The following SYT7 variants were observed in gnomAD, a reference collection of about 807,000 sequenced individuals.
SYT7 encodes synaptotagmin 7, also known as synaptotagmin-7.
SYT7 carries 29 observed loss-of-function variants against 75.1 expected under a neutral mutation model. The observed-to-expected ratio is 0.39, with a 90% CI of 0.29 to 0.53. The LOEUF (loss-of-function observed/expected upper bound fraction) is 0.53. Among genes scored for constraint, SYT7 ranks in the 20% least tolerant of loss-of-function variants. The pLI, the probability that SYT7 is intolerant of heterozygous loss-of-function variation, is 0.77. For synonymous variants in SYT7, 376 were observed against 401.7 expected, an observed-to-expected ratio of 0.94 and a Z score of 0.76; for missense variants, 693 against 953.2, an observed-to-expected ratio of 0.73 and a Z score of 3.59.
Position 61,515,500 on chromosome 11 carries a change from G to A in SYT7, c.*3127C>T, listed in dbSNP as rs1292050056. The A allele has an allele frequency of 1.4e-5, 2 of 139,424 alleles. No homozygotes were observed. The highest frequency in any genetic ancestry group is 2.7e-5 in the African/African-American group (1 of 37,550). 8.6% of individuals were successfully genotyped at this position (139,424 alleles called of 1,614,324 possible). ...CTTCAGTTTTTCTTCATTTCTCTTCGCTGCAAAATTTTTTTTTTTGTGATG... is the reference window on the plus strand; with the variant it reads ...CTTCAGTTTTTCTTCATTTCTCTTCACTGCAAAATTTTTTTTTTTGTGATG... On this transcript the variant is annotated 3_prime_UTR_variant, in exon 13 of 13. Transcript: ENST00000539008.
At chr11:61,584,916 G>A (rs1056431583), upstream of SYT7, among the ~76,000 whole-genome samples, 1 of 152,238 alleles carries the variant, frequency 6.6e-6, no homozygotes, top group African/African-American at 2.4e-5. Context: ...CTCTCATTCT[G>A]TTTCGTTGCT....
chr11:61,514,232 G>A lies in SYT7; in HGVS notation c.*4395C>T, dbSNP rs927698628. 6.6e-6 allele frequency among the ~76,000 whole-genome samples: 1 copy of A among 152,252 alleles called. No individual in the cohort carries two copies. Among genetic ancestry groups the A allele is most frequent in the East Asian group, 1.9e-4 (1 of 5,190 alleles). On this transcript the variant is annotated 3_prime_UTR_variant, in exon 13 of 13. Transcript: ENST00000539008. Reference sequence around the variant, plus strand: ...CTCAGTTTTCCAGGGCTGCTTTCATGGAGAGCGCCTGAACAGAAGCTCTGG... The same window carrying A: ...CTCAGTTTTCCAGGGCTGCTTTCATAGAGAGCGCCTGAACAGAAGCTCTGG...
Position 61,523,259 on chromosome 11 carries a change from A to G in SYT7, c.1772T>C (p.Val591Ala). 1.2e-6 allele frequency: 2 copies of G among 1,613,830 alleles called. No individual in the cohort carries two copies. Among genetic ancestry groups the G allele is most frequent in the Non-Finnish European group, 1.7e-6 (2 of 1,179,974 alleles). Residue 591 changes from valine to alanine, a missense_variant, in exon 12 of 13, where the codon GTA becomes GCA. By Grantham distance (64) the Val-to-Ala change is moderately conservative (BLOSUM62 0). Around this residue, in one of 2 missense-constraint regions of SYT7, gnomAD observed 206 missense variants for 360.0 expected, o/e 0.57. Transcript: ENST00000539008. The surrounding 1 kb of genome is among the most constrained non-coding windows in gnomAD (Gnocchi z 5.0). Reference sequence around the variant, plus strand: ...CCGCTTGTCCTTGTACATCAGCCATACCTTCACGTAGGGGTCTAGGGGAGG... The same window carrying G: ...CCGCTTGTCCTTGTACATCAGCCATGCCTTCACGTAGGGGTCTAGGGGAGG... The part of the protein sequence containing the change: ...IGGTSDPYVK[V>A]WLMYKDKRVE...
At chr11:61,538,346 G>GGAGAGAGGGAGA (rs1555006885) in intron 6 of SYT7, 80 bp from the exon 7 acceptor site, 22 of 203,224 alleles carry the variant, frequency 1.1e-4, no homozygotes, top group African/African-American at 4.0e-4. Flanking sequence ...GGAGAGAGAG[G>GGAGAGAGGGAGA]GAGAGAGAGA....
intron 6 of SYT7, among the ~76,000 whole-genome samples, chr11:61,539,247 G>A (rs1039301926): frequency 2.6e-5 from 4 of 152,328 alleles, no homozygotes; most frequent in African/African-American, 9.6e-5. Context: ...TAGGCAAGAA[G>A]GCGAGACTCT....
At chr11:61,562,048 GCACACACACA>G (rs68109297) in intron 1 of SYT7, among the ~76,000 whole-genome samples, 4 of 149,244 alleles carry the variant, frequency 2.7e-5, no homozygotes, top group Non-Finnish European at 6.0e-5. Flanking sequence ...ACACACATAT[GCACACACACA>G]CACACACACG....
At position 61,546,090 on chromosome 11, in the gene SYT7, C is replaced by G; in HGVS notation, c.513G>C (p.Gly171=). The part of the protein sequence containing the change: ...PSEPGSGGKA[G]RGRWRTVQSH... ...TCTGCACCGTCCGCCAGCGGCCTCT[C>G]CCCGCCTTGCCACCGCTGCCCGGCT... Residue 171 remains glycine (G), a synonymous_variant, in exon 5 of 13, where the codon GGG becomes GGC. Transcript: ENST00000539008. This position sits in a 1 kb window ranked among gnomAD's most constrained non-coding sequence, Gnocchi z 7.6. 1.3e-6 allele frequency: 2 copies of G among 1,532,030 alleles called. No homozygotes were observed. Among genetic ancestry groups the G allele is most frequent in the Non-Finnish European group, 1.7e-6 (2 of 1,145,088 alleles). The allele number at this position is 1,532,030 out of a possible 1,614,324, so 94.9% of individuals were successfully genotyped here.
Position 61,523,377 on chromosome 11 carries a change from G to C in SYT7, c.1757-103C>G. The C allele has an allele frequency of 1.7e-6, 2 of 1,166,468 alleles. No individual in the cohort carries two copies. The highest frequency in any genetic ancestry group is 2.6e-5 in the South Asian group (2 of 76,428). 72.3% of individuals were successfully genotyped at this position (1,166,468 alleles called of 1,614,324 possible). A position where few individuals can be genotyped will look rare whatever the true frequency, so the allele number is the denominator to read the frequency against. On this transcript the variant is annotated intron_variant, in intron 11 of 12. Transcript: ENST00000539008. This position sits in a 1 kb window ranked among gnomAD's most constrained non-coding sequence, Gnocchi z 5.0. The stretch of plus-strand genomic sequence containing the variant: ...GGAAGCTGAGGCAGGAGGGCCGTGT[G>C]CTTTCCCCAGAGGCAAGGAAAGACC...
chr11:61,583,120 G>A (rs375619496), upstream of SYT7, among the ~76,000 whole-genome samples: 3 of 152,070 alleles, frequency 2.0e-5, no homozygotes, highest in Non-Finnish European at 4.4e-5. Context: ...TCAGCTACTC[G>A]GGAGGCTGCG....
intron 12 of SYT7, among the ~76,000 whole-genome samples, chr11:61,522,814 A>C (rs2062386812): frequency 6.6e-6 from 1 of 151,604 alleles, no homozygotes; most frequent in African/African-American, 2.4e-5. Context: ...CCTCTCTTGC[A>C]CTCCTTTTCT....
chr11:61,527,845 G>A (rs2062570681), intron 9 of SYT7, 70 bp downstream of exon 9: 3 of 1,571,826 alleles, frequency 1.9e-6, no homozygotes, highest in Non-Finnish European at 1.7e-6. Context: ...GTGGCCACAA[G>A]TGTGGTTGGG....
intron 5 of SYT7, among the ~76,000 whole-genome samples, chr11:61,545,546 G>A (rs966812053): frequency 6.6e-6 from 1 of 152,230 alleles, no homozygotes; most frequent in African/African-American, 2.4e-5. Context: ...GGTCAAAAAT[G>A]GAATGGCTCA....
chr11:61,534,830 C>T (rs1161534017), intron 7 of SYT7, among the ~76,000 whole-genome samples: 3 of 148,936 alleles, frequency 2.0e-5, no homozygotes, highest in Non-Finnish European at 1.5e-5. Flanking sequence ...CATGTGGACA[C>T]GCACGCACCA....
chr11:61,556,252 G>C (rs763984390), intron 1 of SYT7, 45 bp from the exon 2 acceptor site: 8 of 1,529,900 alleles, frequency 5.2e-6, no homozygotes, highest in Non-Finnish European at 7.2e-6. Context: ...GCCAGGGCCT[G>C]CCACCCTCCC....
At chr11:61,554,886 C>T (rs964397314) in intron 2 of SYT7, among the ~76,000 whole-genome samples, 8 of 152,198 alleles carry the variant, frequency 5.3e-5, no homozygotes. Flanking sequence ...ACTATGGCTC[C>T]TCCCCAGGGG....
chr11:61,581,086 CGT>C (rs1424096727), upstream of SYT7: 144 of 329,370 alleles, frequency 4.4e-4, no homozygotes, highest in Non-Finnish European at 5.6e-4. Context: ...CGCGCCGGAG[CGT>C]GTGTGTGTGT....
rs954901162 is a variant in SYT7 at position 61,545,521 on chromosome 11, A to G, written c.572+510T>C. 4.6e-5 allele frequency among the ~76,000 whole-genome samples: 7 copies of G among 152,224 alleles called. 1 individual carries two copies. Among genetic ancestry groups the G allele is most frequent in the Middle Eastern group, 3.2e-3 (1 of 316 alleles). On this transcript the variant is annotated intron_variant, in intron 5 of 12. Transcript: ENST00000539008. Reference sequence around the variant, plus strand: ...GGTTCAAGCAAGACTGGGACAGCCAATGGAGTCACCCGATGGTCAAAAATG... The same window carrying G: ...GGTTCAAGCAAGACTGGGACAGCCAGTGGAGTCACCCGATGGTCAAAAATG...
chr11:61,562,448 G>A (rs954455805), intron 1 of SYT7, among the ~76,000 whole-genome samples: 2 of 152,214 alleles, frequency 1.3e-5, no homozygotes, highest in East Asian at 3.8e-4. Flanking sequence ...AGCATGTACA[G>A]TGAACTCAGC....
Position 61,523,003 on chromosome 11 carries a change from C to G in SYT7, c.1956+72G>C, listed in dbSNP as rs1038804995. ...TCCAGCCTGTGCCCGTCCACTACCC[C>G]CGCTGCTTCTTTTAAGGAACGGAGC... is the stretch of plus-strand genomic sequence containing the variant. On this transcript the variant is annotated intron_variant, in intron 12 of 12. Coordinates refer to ENST00000539008, the MANE Select transcript of SYT7 (RefSeq NM_001365809.2). The surrounding 1 kb of genome is among the most constrained non-coding windows in gnomAD (Gnocchi z 5.0). The G allele has an allele frequency of 1.3e-6, 2 of 1,522,484 alleles. No homozygotes were observed. Among genetic ancestry groups the G allele is most frequent in the Non-Finnish European group, 1.8e-6 (2 of 1,100,164 alleles). 94.3% of individuals were successfully genotyped at this position (1,522,484 alleles called of 1,614,324 possible). A position where few individuals can be genotyped will look rare whatever the true frequency, so the allele number is the denominator to read the frequency against.
Sources: gnomAD v4.1 joint callset for allele counts (sites outside exome capture counted in the v4.1 genomes callset) on GRCh38, gnomAD v4.1.1 for gene constraint, gnomAD v4.1.1 regional missense constraint, Gnocchi (gnomAD v3.1) non-coding constraint, MANE v1.5 for transcripts, NCBI Gene and HGNC (gene_info 2026-07-23, HGNC 2026-07-21) for gene names.